The following PPM1L variants were observed in gnomAD, a reference collection of about 807,000 sequenced individuals.
The protein encoded by PPM1L is protein phosphatase 1L.
PPM1L carries 13 observed loss-of-function variants against 31.4 expected under a neutral mutation model. That is an observed-to-expected ratio of 0.41 (90% CI 0.27 to 0.66). The LOEUF (loss-of-function observed/expected upper bound fraction) is 0.66, where lower values mean the gene tolerates loss of function less well. Ranked by LOEUF, PPM1L falls within the 30% of genes least tolerant of loss-of-function variation. The pLI, the probability that PPM1L is intolerant of heterozygous loss-of-function variation, is 0.29. For missense variants in PPM1L, 326 were observed against 453.7 expected (o/e 0.72, Z 2.56); for synonymous variants, 184 against 175.4 (o/e 1.05, Z -0.39).
In PPM1L at chr3:161,069,366, T is replaced by G. The variant is rs1046850445; in HGVS notation, c.*209T>G. 1.8e-6 allele frequency: 1 copy of G among 568,134 alleles called. No individual in the cohort carries two copies. Among genetic ancestry groups the G allele is most frequent in the Non-Finnish European group, 3.1e-6 (1 of 323,032 alleles). 35.2% of individuals were successfully genotyped at this position (568,134 alleles called of 1,614,324 possible). ...AAGAAACTGGAAAATGGTTTCTTCA[T>G]GTTTTCCCAACTCTTTCATCCAGTG... On this transcript the variant is annotated 3_prime_UTR_variant, in exon 4 of 4. Transcript: ENST00000498165.
At chr3:161,022,604 C>G (rs966065273) in intron 2 of PPM1L, 3 of 150,844 alleles carry the variant, frequency 2.0e-5, no homozygotes, top group African/African-American at 7.4e-5. Context: ...TTCAGGGCTT[C>G]AAGTGACAAC....
At chr3:160,770,536 A>T (rs1206962892) in intron 1 of PPM1L, among the ~76,000 whole-genome samples, 3 of 152,230 alleles carry the variant, frequency 2.0e-5, no homozygotes, top group Non-Finnish European at 2.9e-5. Flanking sequence ...ATGTAATGGT[A>T]AAAACCAGCA....
Position 161,074,605 on chromosome 3 carries a change from T to C in PPM1L, c.*5448T>C, listed in dbSNP as rs981141790. 3 of 152,212 alleles carry C rather than the reference T, an allele frequency of 2.0e-5. No individual in the cohort carries two copies. Among genetic ancestry groups the C allele is most frequent in the African/African-American group, 7.2e-5 (3 of 41,454 alleles). The allele number at this position is 152,212 out of a possible 1,614,324, so 9.4% of individuals were successfully genotyped here. A position where few individuals can be genotyped will look rare whatever the true frequency, so the allele number is the denominator to read the frequency against. ...TTCCAATAGATGCATTTCTAAACAT[T>C]TTTTCTAATATGTAAATTTGCTGAT... On this transcript the variant is annotated 3_prime_UTR_variant, in exon 4 of 4. Coordinates refer to ENST00000498165, the MANE Select transcript of PPM1L (RefSeq NM_139245.4).
At chr3:160,949,050 C>T (rs1715495913) in intron 1 of PPM1L, among the ~76,000 whole-genome samples, 1 of 152,086 alleles carries the variant, frequency 6.6e-6, no homozygotes, top group South Asian at 2.1e-4. Flanking sequence ...TGGAGCAGGC[C>T]CCATGAATCT....
At chr3:160,935,049 T>C (rs531785914) in intron 1 of PPM1L, among the ~76,000 whole-genome samples, 2 of 152,184 alleles carry the variant, frequency 1.3e-5, no homozygotes, top group African/African-American at 2.4e-5. Flanking sequence ...CATAGTTACA[T>C]GAAAACAAAA....
intron 1 of PPM1L, among the ~76,000 whole-genome samples, chr3:160,775,644 C>T (rs1168710002): frequency 6.6e-6 from 1 of 152,090 alleles, no homozygotes; most frequent in African/African-American, 2.4e-5. Flanking sequence ...GGGCTGGCTC[C>T]TCAGAGGAAG....
intron 1 of PPM1L, among the ~76,000 whole-genome samples, chr3:160,953,038 A>G (rs1183269930): frequency 6.6e-6 from 1 of 152,188 alleles, no homozygotes; most frequent in East Asian, 1.9e-4. Flanking sequence ...AGCACTCTGT[A>G]GACCATCCAT....
chr3:160,777,957 T>C (rs542429510), intron 1 of PPM1L, among the ~76,000 whole-genome samples: 1 of 152,336 alleles, frequency 6.6e-6, no homozygotes, highest in South Asian at 2.1e-4. Context: ...TTTTCCATAG[T>C]AGTTGTACCA....
intron 1 of PPM1L, among the ~76,000 whole-genome samples, chr3:160,884,022 A>T (rs1712823757): frequency 6.6e-6 from 1 of 151,856 alleles, no homozygotes; most frequent in South Asian, 2.1e-4. Flanking sequence ...ACGAGCTGTG[A>T]TTGAGCCACT....
At chr3:160,918,084 A>C (rs1469327589) in intron 1 of PPM1L, among the ~76,000 whole-genome samples, 1 of 152,164 alleles carries the variant, frequency 6.6e-6, no homozygotes, top group Non-Finnish European at 1.5e-5. Context: ...CCACCGATGG[A>C]ATTTTCTCTG....
intron 1 of PPM1L, among the ~76,000 whole-genome samples, chr3:160,921,103 C>T (rs1347691950): frequency 6.6e-6 from 1 of 152,168 alleles, no homozygotes; most frequent in East Asian, 1.9e-4. Context: ...GCAATTCCTG[C>T]TTTTCACTAT....
At chr3:160,969,260 T>A (rs1430495961) in intron 2 of PPM1L, among the ~76,000 whole-genome samples, 1 of 152,230 alleles carries the variant, frequency 6.6e-6, no homozygotes, top group Non-Finnish European at 1.5e-5. Context: ...GAAAAATAGC[T>A]TTTTAAAAGC....
At chr3:160,944,811 C>CATATATT (rs1559896916) in intron 1 of PPM1L, among the ~76,000 whole-genome samples, 77 of 6,892 alleles carry the variant, frequency 0.011, 11 homozygotes, top group African/African-American at 0.015. Context: ...ACATATATAA[C>CATATATT]ATATATATGT....
intron 2 of PPM1L, among the ~76,000 whole-genome samples, chr3:160,971,647 C>A (rs912464703): frequency 1.3e-5 from 2 of 152,166 alleles, no homozygotes; most frequent in Non-Finnish European, 2.9e-5. Flanking sequence ...CTGCCAGTTG[C>A]GTTTTTAAAG....
intron 2 of PPM1L, among the ~76,000 whole-genome samples, chr3:161,032,692 CTT>C (rs35384021): frequency 6.4e-4 from 89 of 139,336 alleles, no homozygotes; most frequent in Admixed American, 6.5e-4. Context: ...CAGAGAAGTC[CTT>C]TTTTTTTTTT....
At chr3:160,939,321 C>A (rs1033613459) in intron 1 of PPM1L, among the ~76,000 whole-genome samples, 2 of 152,110 alleles carry the variant, frequency 1.3e-5, no homozygotes, top group Non-Finnish European at 2.9e-5. Flanking sequence ...GTTTTTCATG[C>A]CTTTATGTCT....
Position 161,031,499 on chromosome 3 carries a change from G to T in PPM1L, c.575-33904G>T, listed in dbSNP as rs1366259700. ...CTTGTGAATGGCAGCTATGTATTCT[G>T]TCCTTTTTTTTTTTTTTTTGAGAGA... On this transcript the variant is annotated intron_variant, in intron 2 of 3. Transcript: ENST00000498165. Among the ~76,000 whole-genome samples the T allele has an allele frequency of 5.1e-3, 319 of 62,990 alleles. 3 individuals carry two copies. The highest frequency in any genetic ancestry group is 0.028 in the African/African-American group (287 of 10,410). The allele number at this position is 62,990 out of a possible 152,430, so 41.3% of individuals were successfully genotyped here.
In PPM1L at chr3:160,970,787, A is replaced by ATTCTTTTTTTTTT. The variant is rs1360956984; in HGVS notation, c.574+8879_574+8880insCTTTTTTTTTTTT. On this transcript the variant is annotated intron_variant, in intron 2 of 3. Transcript: ENST00000498165. ...CAAGCTGATTTTAATTTCAGTTATA[A>ATTCTTTTTTTTTT]TTTTTTTTTTTTTTTTTTTTTTGAG... 3.8e-4 allele frequency among the ~76,000 whole-genome samples: 37 copies of ATTCTTTTTTTTTT among 97,188 alleles called. 5 individuals are homozygous for ATTCTTTTTTTTTT. The highest frequency in any genetic ancestry group is 1.4e-3 in the African/African-American group (31 of 22,378). 63.8% of individuals were successfully genotyped at this position (97,188 alleles called of 152,430 possible).
intron 1 of PPM1L, among the ~76,000 whole-genome samples, chr3:160,759,605 A>T (rs991992717): frequency 6.6e-6 from 1 of 152,172 alleles, no homozygotes; most frequent in Non-Finnish European, 1.5e-5. Context: ...TATAACCCCT[A>T]TCCTCAAAAA....
Sources: allele counts gnomAD v4.1 joint callset (sites outside exome capture counted in the v4.1 genomes callset), GRCh38; gene constraint gnomAD v4.1.1; transcripts MANE v1.5; gene names NCBI Gene and HGNC (gene_info 2026-07-23, HGNC 2026-07-21).